DOCK4: variants seen among roughly 807,000 people sequenced by gnomAD.
The protein encoded by DOCK4 is dedicator of cytokinesis protein 4.
A neutral mutation model predicts 268.1 loss-of-function variants in DOCK4; 97 were observed. The observed-to-expected ratio is 0.36, with a 90% confidence interval of 0.31 to 0.43. The LOEUF is 0.43. Among genes scored for constraint, DOCK4 ranks in the 20% least tolerant of loss-of-function variants. The pLI is 1.00. For missense variants in DOCK4, 2,145 were observed against 2,455.7 expected (o/e 0.87, Z 2.67); for synonymous variants, 954 against 887.2 (o/e 1.08, Z -1.34).
intron 30 of DOCK4, among the ~76,000 whole-genome samples, chr7:111,800,070 G>A (rs1380395787): frequency 1.3e-5 from 2 of 152,088 alleles, no homozygotes; most frequent in Non-Finnish European, 2.9e-5. Context: ...AAGTAATAGG[G>A]ATAAAAAGTA....
intron 12 of DOCK4, among the ~76,000 whole-genome samples, chr7:111,926,870 AAAGGAAGGAAGG>A (rs143004189): frequency 1.3e-5 from 2 of 150,012 alleles, no homozygotes; most frequent in South Asian, 2.1e-4. Context: ...AGAGAGAGAG[AAAGGAAGGAAGG>A]AAGGAAGGAA....
Position 112,161,837 on chromosome 7 carries a change from T to C in DOCK4, c.37+44265A>G, listed in dbSNP as rs572527789. On this transcript the variant is annotated intron_variant, in intron 1 of 52. Coordinates refer to ENST00000428084, the MANE Select transcript of DOCK4 (RefSeq NM_001363540.2). ...AACCTTTATGCCAAGGTAATTTTTT[T>C]CCACAGTGACTGTAAGTAAAGGATA... Among the ~76,000 whole-genome samples, 7 of 152,284 alleles carry C rather than the reference T, an allele frequency of 4.6e-5. No homozygotes were observed. The South Asian group carries it at 1.4e-3, about 32-fold the overall frequency.
chr7:111,797,281 C>G (rs1799965152), intron 30 of DOCK4, among the ~76,000 whole-genome samples: 1 of 152,162 alleles, frequency 6.6e-6, no homozygotes, highest in Non-Finnish European at 1.5e-5. Context: ...AAAAAAGCAA[C>G]TTTCAGGGGA....
intron 47 of DOCK4, chr7:111,740,288 C>T (rs1475168118): frequency 2.6e-5 from 7 of 270,358 alleles, no homozygotes; most frequent in African/African-American, 7.0e-5. Context: ...TTGATAGAGA[C>T]GGGGTTTCAC....
intron 1 of DOCK4, among the ~76,000 whole-genome samples, chr7:112,125,804 T>G (rs1378578453): frequency 6.6e-6 from 1 of 152,042 alleles, no homozygotes. Context: ...ATCATCACTA[T>G]TTTTTTGTTT....
At chr7:112,204,793 C>T (rs546133565) in intron 1 of DOCK4, among the ~76,000 whole-genome samples, 57 of 152,036 alleles carry the variant, frequency 3.7e-4, no homozygotes, top group African/African-American at 1.3e-3. Flanking sequence ...GAAGGCTTTC[C>T]AGATGTTTTA....
At chr7:112,047,742 G>A (rs1309590522) in intron 1 of DOCK4, among the ~76,000 whole-genome samples, 1 of 152,170 alleles carries the variant, frequency 6.6e-6, no homozygotes, top group Non-Finnish European at 1.5e-5. Context: ...GCCCAGGCTG[G>A]AGGGCAATGG....
chr7:111,797,759 A>G (rs1311437944), intron 30 of DOCK4, among the ~76,000 whole-genome samples: 1 of 152,208 alleles, frequency 6.6e-6, no homozygotes, highest in Non-Finnish European at 1.5e-5. Context: ...ACTGTCTATA[A>G]TAGACCAAAA....
At chr7:112,013,391 G>A (rs961019061) in intron 1 of DOCK4, among the ~76,000 whole-genome samples, 2 of 152,150 alleles carry the variant, frequency 1.3e-5, no homozygotes. Context: ...TCTGGCCATT[G>A]ACACCTAGTC....
At chr7:112,016,531 A>C (rs1162060691) in intron 1 of DOCK4, among the ~76,000 whole-genome samples, 1 of 152,240 alleles carries the variant, frequency 6.6e-6, no homozygotes, top group African/African-American at 2.4e-5. Context: ...ATGCAAATAT[A>C]CTGTTTTTCA....
intron 13 of DOCK4, among the ~76,000 whole-genome samples, chr7:111,905,498 G>A (rs1321690509): frequency 6.6e-6 from 1 of 152,172 alleles, no homozygotes; most frequent in Non-Finnish European, 1.5e-5. Context: ...AGTGACTGCA[G>A]TCAAATGGAT....
intron 1 of DOCK4, among the ~76,000 whole-genome samples, chr7:112,076,088 C>G (rs1808042894): frequency 6.6e-6 from 1 of 152,044 alleles, no homozygotes; most frequent in African/African-American, 2.4e-5. Context: ...GACTTTAATG[C>G]TAAAAATATT....
intron 47 of DOCK4, 135 bp downstream of exon 47, chr7:111,740,959 G>T: frequency 2.0e-6 from 2 of 996,174 alleles, no homozygotes; most frequent in South Asian, 1.6e-5. Flanking sequence ...AAAGCAAGAA[G>T]AGTGTTTAAA....
At chr7:112,050,396 C>G (rs1285902736) in intron 1 of DOCK4, among the ~76,000 whole-genome samples, 2 of 152,090 alleles carry the variant, frequency 1.3e-5, no homozygotes, top group East Asian at 1.9e-4. Context: ...TCAGCACAAT[C>G]CTAAACATGG....
chr7:112,042,455 C>T (rs891145633), intron 1 of DOCK4, among the ~76,000 whole-genome samples: 1 of 152,056 alleles, frequency 6.6e-6, no homozygotes, highest in Non-Finnish European at 1.5e-5. Flanking sequence ...AAATTCACAT[C>T]CAAGACAGCA....
chr7:111,956,987 G>A (rs1301646731), intron 8 of DOCK4, among the ~76,000 whole-genome samples: 1 of 152,062 alleles, frequency 6.6e-6, no homozygotes, highest in Non-Finnish European at 1.5e-5. Context: ...ATGATCTAAA[G>A]CATCATTAAA....
intron 1 of DOCK4, among the ~76,000 whole-genome samples, chr7:112,071,065 C>T (rs998126979): frequency 6.6e-6 from 1 of 152,176 alleles, no homozygotes; most frequent in Non-Finnish European, 1.5e-5. Flanking sequence ...AGTTGACTAC[C>T]CAGAATTCCT....
At chr7:111,975,361 A>T (rs115127020) in intron 8 of DOCK4, among the ~76,000 whole-genome samples, 2,132 of 152,346 alleles carry the variant, frequency 0.014, 23 homozygotes, top group South Asian at 0.038. Flanking sequence ...TTTATAAAGC[A>T]TATTAAAGAG....
At chr7:111,870,402 C>G (rs1455146413) in intron 20 of DOCK4, among the ~76,000 whole-genome samples, 1 of 149,500 alleles carries the variant, frequency 6.7e-6, no homozygotes, top group Non-Finnish European at 1.5e-5. Flanking sequence ...ACCGCAACCT[C>G]TGCCGCCCTC....
Sources: allele counts gnomAD v4.1 joint callset (sites outside exome capture counted in the v4.1 genomes callset), GRCh38; gene constraint gnomAD v4.1.1; transcripts MANE v1.5; gene names NCBI Gene and HGNC (gene_info 2026-07-23, HGNC 2026-07-21).